SCUBE2: variants seen among roughly 807,000 people sequenced by gnomAD.
The protein encoded by SCUBE2 is signal peptide, CUB domain and EGF like domain containing 2, also known as signal peptide, CUB and EGF-like domain-containing protein 2.
Under a neutral mutation model 125.9 loss-of-function variants are expected in SCUBE2, and 114 were observed. The observed-to-expected ratio is 0.91, with a 90% CI of 0.78 to 1.06. SCUBE2 has a LOEUF of 1.06. SCUBE2 is among the 50% of genes least tolerant of loss of function. SCUBE2 has a pLI of 0.00. For missense variants in SCUBE2, 1,255 were observed against 1,301.8 expected, an observed-to-expected ratio of 0.96 and a Z score of 0.55; for synonymous variants, 459 against 492.9, an observed-to-expected ratio of 0.93 and a Z score of 0.91.
chr11:9,042,920 C>A (rs1239025761), intron 16 of SCUBE2, among the ~76,000 whole-genome samples: 1 of 152,208 alleles, frequency 6.6e-6, no homozygotes, highest in East Asian at 1.9e-4. Context: ...ATAGGCAACA[C>A]ATTCAAAAGC....
intron 2 of SCUBE2, among the ~76,000 whole-genome samples, chr11:9,082,374 A>G (rs1336866728): frequency 6.6e-6 from 1 of 151,986 alleles, no homozygotes; most frequent in African/African-American, 2.4e-5. Context: ...CTTTTGTTGT[A>G]TGTGGCTTTG....
At chr11:9,022,066 C>G in intron 21 of SCUBE2, 111 bp from the exon 22 acceptor site, 1 of 746,754 alleles carries the variant, frequency 1.3e-6, no homozygotes, top group Non-Finnish European at 2.3e-6. Context: ...GCTGCTATCA[C>G]TTACCATTCT....
chr11:9,065,502 T>C (rs1380824572), intron 7 of SCUBE2, among the ~76,000 whole-genome samples: 1 of 152,186 alleles, frequency 6.6e-6, no homozygotes. Flanking sequence ...TCTTTCTTTA[T>C]CAATTACCCA....
intron 7 of SCUBE2, 57 bp downstream of exon 7, chr11:9,065,834 G>T: frequency 6.8e-7 from 1 of 1,461,480 alleles, no homozygotes; most frequent in Non-Finnish European, 9.6e-7. Flanking sequence ...GATGCAATAA[G>T]TTGGGGAGGG....
intron 2 of SCUBE2, among the ~76,000 whole-genome samples, chr11:9,085,826 A>G (rs2093114524): frequency 3.6e-5 from 2 of 55,166 alleles, no homozygotes; most frequent in African/African-American, 7.7e-5. Context: ...CAATCTCTTT[A>G]GTTTTTTTTT....
intron 7 of SCUBE2, 80 bp from the exon 8 acceptor site, chr11:9,060,604 G>C: frequency 4.3e-6 from 5 of 1,158,132 alleles, no homozygotes; most frequent in Non-Finnish European, 6.4e-6. Context: ...AAGCCAAGAA[G>C]CATGGTGGGG....
chr11:9,050,243 C>A (rs984215266), intron 14 of SCUBE2: 5 of 184,826 alleles, frequency 2.7e-5, no homozygotes, highest in African/African-American at 9.4e-5. Flanking sequence ...TTTTTCATTT[C>A]TTTGGCTTAT....
chr11:9,027,401 C>T lies in SCUBE2; in HGVS notation c.2664G>A (p.Glu888=). 2.5e-6 allele frequency: 4 copies of T among 1,614,042 alleles called. No individual in the cohort carries two copies. In the South Asian group the frequency reaches 3.3e-5, roughly 13 times the overall value. Residue 888 remains glutamate, a synonymous_variant, in exon 20 of 23, where the codon GAG becomes GAA. Coordinates refer to ENST00000649792, the MANE Select transcript of SCUBE2 (RefSeq NM_001367977.2). ...TCACCAGATAGTCCCCACAGTCGTC[C>T]TCTATGGGCAGGAAGATCTCAGGGA... The part of the protein sequence containing the change: ...IVVPEIFLPI[E]DDCGDYLVMR...
intron 14 of SCUBE2, among the ~76,000 whole-genome samples, chr11:9,048,984 A>G (rs1475634122): frequency 6.6e-6 from 1 of 152,202 alleles, no homozygotes; most frequent in African/African-American, 2.4e-5. Context: ...TACTTTTTCA[A>G]AAGGGTAACT....
chr11:9,041,968 G>A (rs1297202460), intron 16 of SCUBE2, among the ~76,000 whole-genome samples: 3 of 152,070 alleles, frequency 2.0e-5, no homozygotes, highest in Non-Finnish European at 4.4e-5. Context: ...AGATAGAGGG[G>A]GGCCTTAGAG....
Position 9,019,660 on chromosome 11 carries a change from C to T in SCUBE2, c.*1385G>A, listed in dbSNP as rs1201250287. ...AAAAAAGCAACACTGAGATGAAAAG[C>T]AAGTTTAACCATAATGAAGTTCTCT... On this transcript the variant is annotated 3_prime_UTR_variant, in exon 23 of 23. Transcript: ENST00000649792. Among the ~76,000 whole-genome samples the T allele has an allele frequency of 1.9e-4, 29 of 152,056 alleles. No individual in the cohort carries two copies. The highest frequency in any genetic ancestry group is 1.5e-5 in the Non-Finnish European group (1 of 68,014).
intron 14 of SCUBE2, chr11:9,049,774 C>T (rs1283814363): frequency 1.3e-5 from 2 of 152,288 alleles, no homozygotes; most frequent in Admixed American, 6.5e-5. Context: ...TTCTCTCCTG[C>T]TTTACATCTC....
intron 2 of SCUBE2, among the ~76,000 whole-genome samples, chr11:9,087,413 C>T (rs1306747555): frequency 2.6e-5 from 4 of 152,064 alleles, no homozygotes; most frequent in Non-Finnish European, 5.9e-5. Context: ...AATTCCAGTA[C>T]AGCAAATAGA....
intron 22 of SCUBE2, 52 bp downstream of exon 22, chr11:9,021,824 A>T: frequency 1.5e-6 from 2 of 1,340,578 alleles, no homozygotes; most frequent in Non-Finnish European, 2.1e-6. Flanking sequence ...CTCCAACAGT[A>T]CTCGGGAAGC....
chr11:9,029,185 C>G (rs1465658833), intron 19 of SCUBE2, among the ~76,000 whole-genome samples: 1 of 152,184 alleles, frequency 6.6e-6, no homozygotes, highest in Non-Finnish European at 1.5e-5. Context: ...AAAGCCTAGA[C>G]AGCAAGTCCT....
intron 7 of SCUBE2, 49 bp downstream of exon 7, chr11:9,065,842 G>A (rs368008262): frequency 1.3e-6 from 2 of 1,515,270 alleles, no homozygotes; most frequent in Admixed American, 3.3e-5. Flanking sequence ...AAGTTGGGGA[G>A]GGAAAAGGAC....
chr11:9,033,589 G>C (rs1320841065), intron 17 of SCUBE2, 37 bp downstream of exon 17: 1 of 1,599,644 alleles, frequency 6.3e-7, no homozygotes, highest in Non-Finnish European at 8.5e-7. Context: ...TGACATCAGA[G>C]ATGGGAGGAG....
intron 2 of SCUBE2, among the ~76,000 whole-genome samples, chr11:9,080,472 G>T (rs1007131184): frequency 1.3e-5 from 2 of 152,036 alleles, no homozygotes; most frequent in African/African-American, 4.8e-5. Flanking sequence ...AACATAGTGA[G>T]ACCCCCATCT....
At chr11:9,079,760 T>C (rs1422546666) in intron 2 of SCUBE2, among the ~76,000 whole-genome samples, 2 of 151,960 alleles carry the variant, frequency 1.3e-5, no homozygotes, top group African/African-American at 4.8e-5. Flanking sequence ...TGGACTACTA[T>C]GCAGCTATTT....
Sources: gnomAD v4.1 joint callset for allele counts (sites outside exome capture counted in the v4.1 genomes callset) on GRCh38, gnomAD v4.1.1 for gene constraint, MANE v1.5 for transcripts, NCBI Gene and HGNC (gene_info 2026-07-23, HGNC 2026-07-21) for gene names.